Variants in MTF2 observed in about 807,000 individuals in gnomAD.
The protein encoded by MTF2 is metal-response element-binding transcription factor 2.
A neutral mutation model predicts 79.5 loss-of-function variants in MTF2; 11 were observed. The observed-to-expected ratio is 0.14, with a 90% CI of 0.09 to 0.23. The LOEUF is 0.23. MTF2 is among the 10% of genes least tolerant of loss of function. The probability of loss-of-function intolerance (pLI) is 1.00; values close to 1 mark genes in which losing one functional copy is unlikely to be tolerated. For missense variants in MTF2, 486 were observed against 711.2 expected (o/e 0.68, Z 3.60); for synonymous variants, 208 against 232.8 (o/e 0.89, Z 0.97).
At chr1:93,129,138 G>A in intron 10 of MTF2, 140 bp from the exon 11 acceptor site, 2 of 501,362 alleles carry the variant, frequency 4.0e-6, no homozygotes, top group Non-Finnish European at 6.7e-6. Flanking sequence ...TAAAAATCAA[G>A]GAAAGCAAGG....
chr1:93,105,117 C>CTGGG (rs1655714352), intron 1 of MTF2, among the ~76,000 whole-genome samples: 1 of 121,742 alleles, frequency 8.2e-6, no homozygotes, highest in East Asian at 2.6e-4. Flanking sequence ...GCACTCCAGC[C>CTGGG]TGGGTGACAG....
chr1:93,094,795 A>G (rs548264755), intron 1 of MTF2, among the ~76,000 whole-genome samples: 11 of 152,186 alleles, frequency 7.2e-5, no homozygotes, highest in East Asian at 5.8e-4. Context: ...GCATAGATCT[A>G]TTTATTCATT....
chr1:93,095,601 A>G (rs1655255363), intron 1 of MTF2, among the ~76,000 whole-genome samples: 1 of 151,528 alleles, frequency 6.6e-6, no homozygotes, highest in African/African-American at 2.4e-5. Context: ...TGGCCTCCCA[A>G]AGTACTGACT....
chr1:93,079,412 G>A lies in MTF2; in HGVS notation c.-115G>A. 7.4e-7 allele frequency: 1 copy of A among 1,352,702 alleles called. No individual in the cohort carries two copies. Among genetic ancestry groups the A allele is most frequent in the Non-Finnish European group, 1.1e-6 (1 of 948,594 alleles). The allele number at this position is 1,352,702 out of a possible 1,614,324, so 83.8% of individuals were successfully genotyped here. On this transcript the variant is annotated 5_prime_UTR_variant, in exon 1 of 15. Transcript: ENST00000370298. ...TCGGTTTGTGCGTGCATATGTGCCG[G>A]GTACCCGGTGGGGCGGGTGCCCAGT...
intron 9 of MTF2, among the ~76,000 whole-genome samples, chr1:93,123,997 AT>A (rs925948854): frequency 2.0e-5 from 3 of 152,152 alleles, no homozygotes; most frequent in Admixed American, 6.5e-5. Context: ...AGTTTCAAAA[AT>A]ATTACACTTT....
chr1:93,129,520 C>A (rs2101090153), intron 11 of MTF2, 72 bp downstream of exon 11: 1 of 1,204,692 alleles, frequency 8.3e-7, no homozygotes, highest in Non-Finnish European at 1.1e-6. Context: ...TATTTAGTCT[C>A]CTTAGTATAT....
At chr1:93,092,075 CTTAATCT>C (rs1557542576) in intron 1 of MTF2, among the ~76,000 whole-genome samples, 1 of 151,990 alleles carries the variant, frequency 6.6e-6, no homozygotes, top group African/African-American at 2.4e-5. Context: ...CTTTGGTTGT[CTTAATCT>C]GTTTTCTCTT....
At chr1:93,082,502 C>G (rs920408227) in intron 1 of MTF2, among the ~76,000 whole-genome samples, 1 of 152,062 alleles carries the variant, frequency 6.6e-6, no homozygotes, top group African/African-American at 2.4e-5. Context: ...GTTGCCCAGG[C>G]TGGTCATGAA....
intron 6 of MTF2, among the ~76,000 whole-genome samples, chr1:93,116,167 C>G (rs1656241042): frequency 6.6e-6 from 1 of 152,134 alleles, no homozygotes; most frequent in Non-Finnish European, 1.5e-5. Context: ...AAGTTATCCT[C>G]CTGTCTCAGC....
At chr1:93,103,666 A>T (rs892463098) in intron 1 of MTF2, among the ~76,000 whole-genome samples, 1 of 148,752 alleles carries the variant, frequency 6.7e-6, no homozygotes, top group Non-Finnish European at 1.5e-5. Context: ...TTACCTTTGT[A>T]ATCAGAAAGG....
At chr1:93,115,874 A>G (rs1374925913) in intron 6 of MTF2, among the ~76,000 whole-genome samples, 1 of 152,204 alleles carries the variant, frequency 6.6e-6, no homozygotes, top group Non-Finnish European at 1.5e-5. Context: ...CATAAAATTA[A>G]CTATTGAGGG....
intron 3 of MTF2, among the ~76,000 whole-genome samples, chr1:93,112,509 C>T (rs1209974738): frequency 6.6e-6 from 1 of 152,144 alleles, no homozygotes; most frequent in African/African-American, 2.4e-5. Context: ...AAATGATATA[C>T]TCTTGCATTG....
At chr1:93,092,972 G>A (rs1430424999) in intron 1 of MTF2, among the ~76,000 whole-genome samples, 2 of 152,072 alleles carry the variant, frequency 1.3e-5, no homozygotes, top group African/African-American at 2.4e-5. Context: ...CACGAGGTTA[G>A]GAGATCGAGA....
chr1:93,101,836 C>T (rs751532518), intron 1 of MTF2, among the ~76,000 whole-genome samples: 1 of 151,988 alleles, frequency 6.6e-6, no homozygotes, highest in African/African-American at 2.4e-5. Flanking sequence ...CCTTGGCCTC[C>T]CAAAGAGCTG....
chr1:93,119,725 C>T (rs927611025), intron 8 of MTF2: 1 of 187,074 alleles, frequency 5.3e-6, no homozygotes, highest in African/African-American at 2.3e-5. Context: ...AACAAATATG[C>T]TAATTTCTGC....
intron 1 of MTF2, 102 bp downstream of exon 1, chr1:93,079,633 AGGTGGG>A (rs1654514429): frequency 1.9e-6 from 2 of 1,051,000 alleles, no homozygotes; most frequent in Non-Finnish European, 2.8e-6. Flanking sequence ...TGGAGGACCA[AGGTGGG>A]GGTGGGGGCT....
At chr1:93,127,392 CAGA>C (rs1656742880) in intron 10 of MTF2, 93 bp downstream of exon 10, 1 of 801,558 alleles carries the variant, frequency 1.2e-6, no homozygotes, top group Non-Finnish European at 2.1e-6. Context: ...GATTGATGTA[CAGA>C]AGAAGTCTAT....
At chr1:93,101,355 A>G (rs1655519651) in intron 1 of MTF2, among the ~76,000 whole-genome samples, 1 of 140,142 alleles carries the variant, frequency 7.1e-6, no homozygotes, top group Admixed American at 7.2e-5. Context: ...AACAAAATTT[A>G]CTATCTTAAC....
chr1:93,123,427 A>G (rs1220494813), intron 9 of MTF2, among the ~76,000 whole-genome samples: 1 of 152,052 alleles, frequency 6.6e-6, no homozygotes, highest in Non-Finnish European at 1.5e-5. Flanking sequence ...TTTATCTTCA[A>G]AAATGAAACA....
Sources: gnomAD v4.1 joint callset for allele counts (sites outside exome capture counted in the v4.1 genomes callset) on GRCh38, gnomAD v4.1.1 for gene constraint, MANE v1.5 for transcripts, NCBI Gene and HGNC (gene_info 2026-07-23, HGNC 2026-07-21) for gene names.